The following WFDC11 variants were observed in gnomAD, a reference collection of about 807,000 sequenced individuals.
WFDC11 encodes the protein protein WFDC11.
Under a neutral mutation model 9.9 loss-of-function variants are expected in WFDC11, and 9 were observed. The observed-to-expected ratio is 0.91, with a 90% CI of 0.55 to 1.58. The LOEUF is 1.58. Among genes scored for constraint, WFDC11 ranks in the 40% most tolerant of loss-of-function variants. The pLI is 0.00. For synonymous variants in WFDC11, 32 were observed against 33.3 expected (o/e 0.96, Z 0.13); for missense variants, 106 against 101.7 (o/e 1.04, Z -0.18).
intron 2 of WFDC11, among the ~76,000 whole-genome samples, chr20:45,651,536 C>T (rs1451356102): frequency 6.6e-6 from 1 of 152,148 alleles, no homozygotes; most frequent in Admixed American, 6.5e-5. Flanking sequence ...ACACAGAAGA[C>T]AGGTGATTTC....
intron 2 of WFDC11, among the ~76,000 whole-genome samples, chr20:45,654,267 A>T (rs181559885): frequency 6.6e-6 from 1 of 152,262 alleles, no homozygotes; most frequent in African/African-American, 2.4e-5. Context: ...AGAACTCAGG[A>T]TTAAGAAACT....
chr20:45,652,780 C>G (rs1982838626), intron 2 of WFDC11, among the ~76,000 whole-genome samples: 2 of 152,156 alleles, frequency 1.3e-5, no homozygotes, highest in South Asian at 2.1e-4. Flanking sequence ...AACTATGTGA[C>G]AAATGCACAA....
intron 2 of WFDC11, among the ~76,000 whole-genome samples, chr20:45,656,512 G>T (rs1982934825): frequency 6.6e-6 from 1 of 152,192 alleles, no homozygotes; most frequent in Non-Finnish European, 1.5e-5. Context: ...ATACCATTCA[G>T]GACATAGGCA....
intron 2 of WFDC11, among the ~76,000 whole-genome samples, chr20:45,653,047 G>A (rs1362776081): frequency 6.6e-6 from 1 of 152,128 alleles, no homozygotes; most frequent in Non-Finnish European, 1.5e-5. Context: ...ATCTAGCAAG[G>A]CAGGCCAACA....
chr20:45,662,539 G>T (rs546497956), intron 2 of WFDC11, among the ~76,000 whole-genome samples: 1 of 152,302 alleles, frequency 6.6e-6, no homozygotes, highest in Non-Finnish European at 1.5e-5. Flanking sequence ...CATTCAGGAT[G>T]ATATTGGCTG....
At position 45,650,540 on chromosome 20, in the gene WFDC11, G is replaced by T. The variant is rs986018527; in HGVS notation, c.61C>A (p.Leu21Met). 6.2e-7 allele frequency: 1 copy of T among 1,613,906 alleles called. No homozygotes were observed. Among genetic ancestry groups the T allele is most frequent in the South Asian group, 1.1e-5 (1 of 91,086 alleles). ...MLMTFFCTVL[L>M]SVLGEMRKKR... ...TTCCTCATTTCTCCCAGCACAGACA[G>T]TAGCACCGTACAGAAGAATGTCATG... Residue 21 changes from leucine to methionine, a missense_variant, in exon 3 of 5, where the codon CTG (leucine) becomes ATG (methionine). Physicochemically the swap from Leu to Met is conservative, Grantham distance 15. Coordinates refer to ENST00000324384, the MANE Select transcript of WFDC11 (RefSeq NM_147197.2).
At chr20:45,662,773 C>G (rs1018921980) in intron 2 of WFDC11, among the ~76,000 whole-genome samples, 3 of 152,106 alleles carry the variant, frequency 2.0e-5, no homozygotes, top group Non-Finnish European at 4.4e-5. Context: ...ATGAAGCCAA[C>G]TTGATCATGG....
At chr20:45,663,655 T>C (rs1471600499) in intron 2 of WFDC11, among the ~76,000 whole-genome samples, 1 of 152,224 alleles carries the variant, frequency 6.6e-6, no homozygotes, top group Non-Finnish European at 1.5e-5. Context: ...TCAAAGAACA[T>C]CTTTATTTCT....
chr20:45,651,409 T>C (rs6032409), intron 2 of WFDC11, among the ~76,000 whole-genome samples: 90,502 of 151,970 alleles, frequency 0.6, 27,964 homozygotes, highest in East Asian at 0.98. Context: ...TTTGTTTTTG[T>C]TGTTGCATAA....
intron 2 of WFDC11, among the ~76,000 whole-genome samples, chr20:45,661,846 T>C (rs1303654823): frequency 3.3e-5 from 5 of 152,170 alleles, no homozygotes; most frequent in African/African-American, 7.2e-5. Flanking sequence ...TGAAGTCAGG[T>C]AGTGTGATGC....
In WFDC11 at chr20:45,649,250, A is replaced by T; in HGVS notation, c.243+7T>A. On this transcript the variant is annotated splice_region_variant and intron_variant, in intron 4 of 4. Transcript: ENST00000324384. ...ATATACACCCAAGCAAACATCTCCC[A>T]ACTCACGACGTTTATCCAGCAGATG... The T allele has an allele frequency of 6.2e-7, 1 of 1,614,006 alleles. No individual in the cohort carries two copies. The highest frequency in any genetic ancestry group is 8.5e-7 in the Non-Finnish European group (1 of 1,179,962).
chr20:45,650,697 G>C (rs1982788375), intron 2 of WFDC11, 46 bp from the exon 3 acceptor site: 5 of 1,029,260 alleles, frequency 4.9e-6, no homozygotes, highest in Admixed American at 1.9e-5. Context: ...TGTGAAGCAA[G>C]AGAAAGTGCT....
chr20:45,661,975 G>A (rs1440471795), intron 2 of WFDC11, among the ~76,000 whole-genome samples: 1 of 152,172 alleles, frequency 6.6e-6, no homozygotes. Flanking sequence ...GTAGCTTGAT[G>A]TGGATGGCAT....
chr20:45,657,125 C>T (rs1982951065), intron 2 of WFDC11, among the ~76,000 whole-genome samples: 1 of 152,146 alleles, frequency 6.6e-6, no homozygotes, highest in African/African-American at 2.4e-5. Flanking sequence ...TATAAAGACA[C>T]ATGCACACGT....
intron 2 of WFDC11, among the ~76,000 whole-genome samples, chr20:45,660,527 T>C (rs1240963715): frequency 2.6e-5 from 4 of 152,198 alleles, no homozygotes; most frequent in Non-Finnish European, 4.4e-5. Flanking sequence ...CACTCGTCAT[T>C]TAGCATTAGG....
chr20:45,655,110 G>C (rs544404068), intron 2 of WFDC11, among the ~76,000 whole-genome samples: 1 of 152,068 alleles, frequency 6.6e-6, no homozygotes, highest in Non-Finnish European at 1.5e-5. Flanking sequence ...GATACCAAAG[G>C]CTGGCAGAGA....
At chr20:45,666,384 G>A (rs899585536) in intron 2 of WFDC11, among the ~76,000 whole-genome samples, 2 of 152,224 alleles carry the variant, frequency 1.3e-5, no homozygotes, top group Admixed American at 6.5e-5. Context: ...CTTCCCAGGT[G>A]AGGCGACACC....
At chr20:45,650,104 C>T (rs1393947912) in intron 3 of WFDC11, among the ~76,000 whole-genome samples, 1 of 152,092 alleles carries the variant, frequency 6.6e-6, no homozygotes, top group African/African-American at 2.4e-5. Flanking sequence ...AGCTAGGGCA[C>T]AGGGATACCA....
At chr20:45,664,119 G>A (rs1177664950) in intron 2 of WFDC11, among the ~76,000 whole-genome samples, 1 of 152,154 alleles carries the variant, frequency 6.6e-6, no homozygotes, top group Non-Finnish European at 1.5e-5. Flanking sequence ...CGTATTGGGT[G>A]CATATATATT....
Sources: allele counts gnomAD v4.1 joint callset (sites outside exome capture counted in the v4.1 genomes callset), GRCh38; gene constraint gnomAD v4.1.1; transcripts MANE v1.5; gene names NCBI Gene and HGNC (gene_info 2026-07-23, HGNC 2026-07-21).